The following TAFA1 variants were observed in gnomAD, a reference collection of about 807,000 sequenced individuals.
The protein encoded by TAFA1 is TAFA chemokine like family member 1.
TAFA1 carries 4 observed loss-of-function variants against 18.5 expected under a neutral mutation model. That is an observed-to-expected ratio of 0.22 (90% CI 0.11 to 0.49). TAFA1 has a LOEUF of 0.49. Among genes scored for constraint, TAFA1 ranks in the 20% least tolerant of loss-of-function variants. The pLI, the probability that TAFA1 is intolerant of heterozygous loss-of-function variation, is 0.98. For missense variants in TAFA1, 147 were observed against 169.0 expected (o/e 0.87, Z 0.72); for synonymous variants, 56 against 55.2 (o/e 1.01, Z -0.06).
At chr3:68,327,428 G>C (rs1256963387) in intron 2 of TAFA1, among the ~76,000 whole-genome samples, 7 of 152,106 alleles carry the variant, frequency 4.6e-5, no homozygotes, top group African/African-American at 1.4e-4. Context: ...TAAAATGGTT[G>C]TATAACTGAG....
chr3:68,106,356 C>G (rs927937443), intron 2 of TAFA1, among the ~76,000 whole-genome samples: 1 of 152,030 alleles, frequency 6.6e-6, no homozygotes, highest in East Asian at 1.9e-4. Context: ...GCAGTAGCCA[C>G]CAGCCAAAGA....
chr3:68,336,551 C>T (rs1559622986), intron 2 of TAFA1, among the ~76,000 whole-genome samples: 4 of 152,208 alleles, frequency 2.6e-5, no homozygotes, highest in African/African-American at 4.8e-5. Context: ...TTCTATTAAG[C>T]GTAGTTTAAT....
chr3:68,015,293 T>TC (rs1704546892), intron 2 of TAFA1, among the ~76,000 whole-genome samples: 1 of 196 alleles, frequency 5.1e-3, no homozygotes, highest in African/African-American at 0.05. Flanking sequence ...TTTTCTTTCC[T>TC]TTTTTTTTTT....
intron 2 of TAFA1, among the ~76,000 whole-genome samples, chr3:68,217,418 C>A (rs1243493823): frequency 6.6e-6 from 1 of 151,830 alleles, no homozygotes; most frequent in Non-Finnish European, 1.5e-5. Context: ...TCATAAAAAA[C>A]AAGAAAAAGT....
At chr3:68,379,738 G>A (rs970965637) in intron 2 of TAFA1, among the ~76,000 whole-genome samples, 10 of 146,720 alleles carry the variant, frequency 6.8e-5, no homozygotes, top group African/African-American at 1.7e-4. Context: ...TTTTTTTTGA[G>A]TCTGTCTCCA....
intron 2 of TAFA1, among the ~76,000 whole-genome samples, chr3:68,147,554 C>G (rs1476314645): frequency 6.6e-6 from 1 of 152,090 alleles, no homozygotes; most frequent in Non-Finnish European, 1.5e-5. Flanking sequence ...AGTGGCCCCA[C>G]CTGATTGACC....
intron 2 of TAFA1, among the ~76,000 whole-genome samples, chr3:68,291,067 A>G (rs1026779492): frequency 2.0e-5 from 3 of 152,164 alleles, no homozygotes; most frequent in Non-Finnish European, 2.9e-5. Flanking sequence ...ATGTAAAAGG[A>G]TTAGAACAGG....
chr3:68,362,974 T>G (rs2069496822), intron 2 of TAFA1, among the ~76,000 whole-genome samples: 1 of 132,660 alleles, frequency 7.5e-6, no homozygotes, highest in Non-Finnish European at 1.6e-5. Flanking sequence ...AGCCCTGTCT[T>G]GCAGGCTTTT....
intron 2 of TAFA1, among the ~76,000 whole-genome samples, chr3:68,129,117 C>T (rs1358101955): frequency 2.0e-5 from 3 of 152,056 alleles, no homozygotes; most frequent in South Asian, 2.1e-4. Context: ...AATCTAAGGG[C>T]GAGTGGGGCA....
At chr3:68,163,557 C>T (rs1357148735) in intron 2 of TAFA1, among the ~76,000 whole-genome samples, 1 of 152,160 alleles carries the variant, frequency 6.6e-6, no homozygotes, top group African/African-American at 2.4e-5. Flanking sequence ...TGTTTGTGCT[C>T]CCATAGTGTT....
At position 68,459,801 on chromosome 3, in the gene TAFA1, G is replaced by T. The variant is rs967359727; in HGVS notation, c.259+42381G>T. Among the ~76,000 whole-genome samples, 10 of 152,104 alleles carry T rather than the reference G, an allele frequency of 6.6e-5. No individual in the cohort carries two copies. The South Asian group carries it at 1.9e-3, about 28-fold the overall frequency. ...GAATATCATCCCCAGTGAAAGAAAA[G>T]AAATTGATAAACAAAGGTAAACTTC... On this transcript the variant is annotated intron_variant, in intron 3 of 4. Coordinates refer to ENST00000478136, the MANE Select transcript of TAFA1 (RefSeq NM_213609.4).
chr3:68,103,472 A>G (rs2065171706), intron 2 of TAFA1, among the ~76,000 whole-genome samples: 1 of 152,206 alleles, frequency 6.6e-6, no homozygotes, highest in Non-Finnish European at 1.5e-5. Context: ...ATTAAAGGGG[A>G]AAATACATCT....
chr3:68,502,213 A>T (rs1379095793), intron 3 of TAFA1, among the ~76,000 whole-genome samples: 1 of 152,176 alleles, frequency 6.6e-6, no homozygotes, highest in Non-Finnish European at 1.5e-5. Flanking sequence ...ATTCTAAGCA[A>T]TTTAAACATA....
chr3:68,189,486 T>A (rs972629848), intron 2 of TAFA1, among the ~76,000 whole-genome samples: 1 of 151,866 alleles, frequency 6.6e-6, no homozygotes, highest in African/African-American at 2.4e-5. Context: ...ATATCAAATA[T>A]GCCTGCCCTC....
chr3:68,066,595 C>T (rs1376835036), intron 2 of TAFA1, among the ~76,000 whole-genome samples: 1 of 152,110 alleles, frequency 6.6e-6, no homozygotes, highest in Non-Finnish European at 1.5e-5. Context: ...CCAGGTTATA[C>T]AGAATAACCA....
At chr3:68,459,299 A>C (rs1262144322) in intron 3 of TAFA1, among the ~76,000 whole-genome samples, 1 of 152,228 alleles carries the variant, frequency 6.6e-6, no homozygotes, top group East Asian at 1.9e-4. Context: ...CCTGTAGGAC[A>C]ATAAGCAATA....
intron 2 of TAFA1, among the ~76,000 whole-genome samples, chr3:68,286,949 G>C (rs2068019110): frequency 6.6e-6 from 1 of 152,160 alleles, no homozygotes; most frequent in Non-Finnish European, 1.5e-5. Context: ...TGTACAATTG[G>C]AACAGAGGCT....
chr3:68,132,720 G>T (rs2065557217), intron 2 of TAFA1, among the ~76,000 whole-genome samples: 1 of 151,982 alleles, frequency 6.6e-6, no homozygotes, highest in African/African-American at 2.4e-5. Context: ...TTTTGATGGG[G>T]TCATTTGTTT....
At chr3:68,424,566 T>G (rs908044671) in intron 3 of TAFA1, among the ~76,000 whole-genome samples, 3 of 151,988 alleles carry the variant, frequency 2.0e-5, no homozygotes, top group Non-Finnish European at 4.4e-5. Flanking sequence ...TTCTGGTGAT[T>G]GCTCCTGGGA....
Sources: allele counts gnomAD v4.1 joint callset (sites outside exome capture counted in the v4.1 genomes callset), GRCh38; gene constraint gnomAD v4.1.1; transcripts MANE v1.5; gene names NCBI Gene and HGNC (gene_info 2026-07-23, HGNC 2026-07-21).